The following TIPIN variants were observed in gnomAD, a reference collection of about 807,000 sequenced individuals.
TIPIN encodes the protein TIMELESS-interacting protein.
Under a neutral mutation model 35.6 loss-of-function variants are expected in TIPIN, and 29 were observed. That is an observed-to-expected ratio of 0.82 (90% CI 0.61 to 1.11). The LOEUF (loss-of-function observed/expected upper bound fraction) is 1.11. Among genes scored for constraint, TIPIN ranks in the 50% most tolerant of loss-of-function variants. TIPIN has a pLI of 0.00. For missense variants in TIPIN, 296 were observed against 345.4 expected (o/e 0.86, Z 1.13); for synonymous variants, 102 against 121.5 (o/e 0.84, Z 1.06).
chr15:66,378,325 C>T (rs561817960), intron 1 of TIPIN, among the ~76,000 whole-genome samples: 6 of 151,836 alleles, frequency 4.0e-5, no homozygotes, highest in African/African-American at 7.2e-5. Context: ...TTAGTAGAGA[C>T]GGGGTTTCAC....
At position 66,341,337 on chromosome 15, in the gene TIPIN, A is replaced by C. The variant is rs752514038; in HGVS notation, c.495T>G (p.Asn165Lys). 4.3e-6 allele frequency: 7 copies of C among 1,613,104 alleles called. No individual in the cohort carries two copies. The South Asian group carries it at 5.5e-5, about 13-fold the overall frequency. Residue 165 changes from asparagine to lysine, a missense_variant, in exon 7 of 8, where the codon AAT (asparagine) becomes AAG (lysine). Asn to Lys is a moderately conservative substitution (Grantham distance 94). Transcript: ENST00000261881. Reference sequence around the variant, plus strand: ...ATTCAGTAGAAGTGACATCATGTTCATTATTCTCCGCAACTTCATCTGCAA... The same window carrying C: ...ATTCAGTAGAAGTGACATCATGTTCCTTATTCTCCGCAACTTCATCTGCAA... ...VSNNDEVAENNEHDVTSTELD... is the reference protein window; with the variant it reads ...VSNNDEVAENKEHDVTSTELD...
At chr15:66,364,399 C>T (rs2093245130) in intron 1 of TIPIN, among the ~76,000 whole-genome samples, 2 of 151,726 alleles carry the variant, frequency 1.3e-5, no homozygotes, top group South Asian at 2.1e-4. Flanking sequence ...CTCCTGACCT[C>T]GTGATCTGCC....
upstream of TIPIN, among the ~76,000 whole-genome samples, chr15:66,361,562 T>TA (rs376136865): frequency 0.45 from 60,393 of 133,578 alleles, 13,939 homozygotes; most frequent in African/African-American, 0.62. Context: ...ACCTGTAATT[T>TA]AAAAAAAAAA....
At chr15:66,372,697 A>C (rs992690563) in intron 1 of TIPIN, among the ~76,000 whole-genome samples, 10 of 152,182 alleles carry the variant, frequency 6.6e-5, no homozygotes, top group African/African-American at 2.2e-4. Context: ...CGAGGTCAAG[A>C]GTTTGAGACC....
chr15:66,364,971 A>AAAAAAAAAAAAG (rs1265738152), intron 1 of TIPIN, among the ~76,000 whole-genome samples: 70 of 97,866 alleles, frequency 7.2e-4, no homozygotes, highest in Non-Finnish European at 1.6e-3. Context: ...CATCTCAAAA[A>AAAAAAAAAAAAG]AAAAGAAAAA....
intron 1 of TIPIN, among the ~76,000 whole-genome samples, chr15:66,355,823 A>G (rs1411344109): frequency 6.6e-6 from 1 of 152,176 alleles, no homozygotes; most frequent in East Asian, 1.9e-4. Flanking sequence ...AATCTATACT[A>G]GGGTTCAGAC....
intron 1 of TIPIN, among the ~76,000 whole-genome samples, chr15:66,366,244 A>C (rs2093253560): frequency 6.6e-6 from 1 of 151,554 alleles, no homozygotes. Context: ...TCATGAAGTC[A>C]AGAGTTCGAG....
At chr15:66,343,363 A>T (rs1278068294) in intron 6 of TIPIN, among the ~76,000 whole-genome samples, 1 of 152,218 alleles carries the variant, frequency 6.6e-6, no homozygotes, top group Non-Finnish European at 1.5e-5. Context: ...TCACCATTTG[A>T]AATATTTATA....
intron 2 of TIPIN, 49 bp from the exon 3 acceptor site, chr15:66,352,256 ATTAT>A (rs780849423): frequency 2.9e-6 from 4 of 1,362,796 alleles, no homozygotes; most frequent in Non-Finnish European, 4.1e-6. Flanking sequence ...AATGATTTGT[ATTAT>A]TTATTATGTA....
chr15:66,365,615 C>T (rs1343355779), intron 1 of TIPIN, among the ~76,000 whole-genome samples: 2 of 152,268 alleles, frequency 1.3e-5, no homozygotes, highest in Admixed American at 6.5e-5. Context: ...GGCACGATCT[C>T]GGCTCACTGC....
At chr15:66,356,580 G>T (rs539641191) in intron 1 of TIPIN, 59 bp downstream of exon 1, 1 of 981,334 alleles carries the variant, frequency 1.0e-6, no homozygotes, top group East Asian at 1.1e-4. Context: ...CTGGCTCCCT[G>T]GCTAGTCCGA....
chr15:66,378,437 T>C, intron 1 of TIPIN, among the ~76,000 whole-genome samples: 1 of 152,168 alleles, frequency 6.6e-6, no homozygotes, highest in Admixed American at 6.6e-5. Context: ...GCCCAGCCGA[T>C]TGCTCTTAAT....
upstream of TIPIN, among the ~76,000 whole-genome samples, chr15:66,359,198 CAA>C (rs1461552768): frequency 2.1e-5 from 3 of 143,788 alleles, no homozygotes; most frequent in African/African-American, 7.9e-5. Context: ...CACACACACA[CAA>C]AGATAGAAAG....
upstream of TIPIN, among the ~76,000 whole-genome samples, chr15:66,358,640 G>A (rs1474270262): frequency 6.6e-6 from 1 of 152,006 alleles, no homozygotes; most frequent in Non-Finnish European, 1.5e-5. Context: ...GGTCTCCAAC[G>A]CCTGGTCTCC....
At chr15:66,342,600 G>T (rs2093096858) in intron 6 of TIPIN, among the ~76,000 whole-genome samples, 1 of 152,142 alleles carries the variant, frequency 6.6e-6, no homozygotes, top group Non-Finnish European at 1.5e-5. Flanking sequence ...CTGACCTGAG[G>T]TGATCCACAT....
rs767669457 is a variant in TIPIN, at chr15:66,341,325, G to A, written c.507C>T (p.Val169=). ...GAAAGGGATCTAATTCAGTAGAAGT[G>A]ACATCATGTTCATTATTCTCCGCAA... ...DEVAENNEHD[V]TSTELDPFLT... is the part of the protein sequence containing the mutation. Residue 169 remains valine (V), a synonymous_variant, in exon 7 of 8, where the codon GTC becomes GTT. Transcript: ENST00000261881. 4 of 1,613,650 alleles carry A rather than the reference G, an allele frequency of 2.5e-6. No individual in the cohort carries two copies. In the South Asian group the frequency reaches 3.3e-5, roughly 13 times the overall value.
chr15:66,341,057 GTATTT>G, intron 7 of TIPIN, 88 bp downstream of exon 7: 2 of 1,101,700 alleles, frequency 1.8e-6, no homozygotes, highest in Non-Finnish European at 2.7e-6. Context: ...ACTCCTAGAA[GTATTT>G]TATTTTGGGG....
chr15:66,357,591 G>T (rs2140474171), upstream of TIPIN, among the ~76,000 whole-genome samples: 1 of 56,604 alleles, frequency 1.8e-5, no homozygotes, highest in Non-Finnish European at 3.1e-5. Flanking sequence ...GTGAGATCTT[G>T]TCGCAAAAAA....
At chr15:66,346,948 C>T (rs1031492743) in intron 6 of TIPIN, among the ~76,000 whole-genome samples, 4 of 152,040 alleles carry the variant, frequency 2.6e-5, no homozygotes, top group Non-Finnish European at 5.9e-5. Flanking sequence ...CCCGCCACCA[C>T]ACCCGGCTAA....
Sources: allele counts gnomAD v4.1 joint callset (sites outside exome capture counted in the v4.1 genomes callset), GRCh38; gene constraint gnomAD v4.1.1; transcripts MANE v1.5; gene names NCBI Gene and HGNC (gene_info 2026-07-23, HGNC 2026-07-21).